DYNC1I1: variants seen among roughly 807,000 people sequenced by gnomAD.
The protein encoded by DYNC1I1 is dynein cytoplasmic 1 intermediate chain 1.
Under a neutral mutation model 86.6 loss-of-function variants are expected in DYNC1I1, and 43 were observed. The observed-to-expected ratio is 0.50, with a 90% CI of 0.39 to 0.64. DYNC1I1 has a LOEUF of 0.64. DYNC1I1 is among the 30% of genes least tolerant of loss of function. The probability of loss-of-function intolerance (pLI) is 0.00; values close to 1 mark genes in which losing one functional copy is unlikely to be tolerated. For missense variants in DYNC1I1, 604 were observed against 788.8 expected (o/e 0.77, Z 2.81); for synonymous variants, 262 against 283.7 (o/e 0.92, Z 0.77).
At chr7:95,824,021 C>A (rs1795147391) in intron 4 of DYNC1I1, among the ~76,000 whole-genome samples, 1 of 111,772 alleles carries the variant, frequency 8.9e-6, no homozygotes, top group African/African-American at 3.7e-5. Flanking sequence ...GAGGCAGGGT[C>A]TTACTGTCAC....
downstream of DYNC1I1, among the ~76,000 whole-genome samples, chr7:96,100,026 T>C (rs1247523906): frequency 1.3e-5 from 2 of 152,102 alleles, no homozygotes; most frequent in East Asian, 3.9e-4. Flanking sequence ...CCAGATGAAA[T>C]GTGGTAGCCA....
At chr7:95,984,665 A>G in intron 7 of DYNC1I1, 150 bp from the exon 8 acceptor site, 1 of 663,054 alleles carries the variant, frequency 1.5e-6, no homozygotes, top group Admixed American at 3.9e-5. Context: ...TAAATAATTT[A>G]GAATCAATAT....
At chr7:95,827,281 G>A (rs955143940) in intron 4 of DYNC1I1, among the ~76,000 whole-genome samples, 1 of 152,140 alleles carries the variant, frequency 6.6e-6, no homozygotes, top group South Asian at 2.1e-4. Flanking sequence ...CCTGTAACCG[G>A]TACTGTGCAG....
intron 16 of DYNC1I1, among the ~76,000 whole-genome samples, chr7:96,095,296 G>A (rs6954872): frequency 1.1e-4 from 17 of 152,144 alleles, no homozygotes; most frequent in East Asian, 3.9e-4. Context: ...TACTAGGGCC[G>A]TTTCTGAACA....
At chr7:95,955,208 T>C (rs1385206910) in intron 6 of DYNC1I1, among the ~76,000 whole-genome samples, 2 of 152,200 alleles carry the variant, frequency 1.3e-5, no homozygotes, top group Non-Finnish European at 2.9e-5. Context: ...TTCCACAATA[T>C]GTACTTGTAT....
intron 14 of DYNC1I1, among the ~76,000 whole-genome samples, chr7:96,067,173 C>T (rs1162169323): frequency 6.6e-6 from 1 of 152,096 alleles, no homozygotes; most frequent in African/African-American, 2.4e-5. Context: ...GGCATCTAGA[C>T]ATAAGACTTA....
At chr7:96,026,042 G>A (rs1794674220) in intron 10 of DYNC1I1, among the ~76,000 whole-genome samples, 1 of 152,110 alleles carries the variant, frequency 6.6e-6, no homozygotes, top group African/African-American at 2.4e-5. Flanking sequence ...AGCAACATAA[G>A]AATTTCATCA....
intron 6 of DYNC1I1, among the ~76,000 whole-genome samples, chr7:95,971,672 A>T (rs1793174471): frequency 6.6e-6 from 1 of 152,154 alleles, no homozygotes; most frequent in South Asian, 2.1e-4. Context: ...CATTTCTAAC[A>T]TTCACAATTT....
chr7:96,080,221 T>C (rs1158446297), intron 15 of DYNC1I1, 142 bp from the exon 16 acceptor site: 6 of 1,085,366 alleles, frequency 5.5e-6, no homozygotes, highest in Non-Finnish European at 7.5e-6. Context: ...TGAGCCCTTT[T>C]TCCCCCCGGC....
chr7:96,040,959 TGATCTG>T (rs1789028997), intron 14 of DYNC1I1, among the ~76,000 whole-genome samples: 1 of 152,054 alleles, frequency 6.6e-6, no homozygotes, highest in South Asian at 2.1e-4. Flanking sequence ...CAACCTCAAA[TGATCTG>T]CCCGCCTTGT....
intron 6 of DYNC1I1, among the ~76,000 whole-genome samples, chr7:95,873,292 T>C (rs1340863618): frequency 6.6e-6 from 1 of 152,158 alleles, no homozygotes; most frequent in Non-Finnish European, 1.5e-5. Flanking sequence ...GGGACATTTG[T>C]TTGATTTGCC....
At chr7:95,912,197 C>T (rs1314746790) in intron 6 of DYNC1I1, among the ~76,000 whole-genome samples, 7 of 152,216 alleles carry the variant, frequency 4.6e-5, no homozygotes, top group African/African-American at 7.2e-5. Flanking sequence ...CCACCACACC[C>T]GGCTAATTTT....
chr7:96,055,631 G>A (rs1369058696), intron 14 of DYNC1I1: 1 of 148,998 alleles, frequency 6.7e-6, no homozygotes, highest in Non-Finnish European at 1.5e-5. Context: ...GGATAAAGAT[G>A]AACAAAGCAA....
chr7:95,892,790 A>G (rs747296910), intron 6 of DYNC1I1, among the ~76,000 whole-genome samples: 2 of 152,184 alleles, frequency 1.3e-5, no homozygotes, highest in African/African-American at 2.4e-5. Context: ...AGCAGTAGTG[A>G]TGGAAATAAC....
chr7:96,006,129 T>C (rs1794136221), intron 10 of DYNC1I1, among the ~76,000 whole-genome samples: 1 of 152,236 alleles, frequency 6.6e-6, no homozygotes, highest in Admixed American at 6.5e-5. Flanking sequence ...GAAAATGTGT[T>C]AGCCAACCTT....
At chr7:95,870,351 G>A (rs1790130004) in intron 6 of DYNC1I1, among the ~76,000 whole-genome samples, 1 of 150,048 alleles carries the variant, frequency 6.7e-6, no homozygotes, top group Admixed American at 6.7e-5. Context: ...CATACATTAA[G>A]ATTCATCATT....
intron 6 of DYNC1I1, among the ~76,000 whole-genome samples, chr7:95,935,933 A>G (rs1436351895): frequency 6.6e-6 from 1 of 152,062 alleles, no homozygotes; most frequent in South Asian, 2.1e-4. Flanking sequence ...TAGCATGGTT[A>G]TTATTTTAAA....
intron 6 of DYNC1I1, among the ~76,000 whole-genome samples, chr7:95,949,735 G>A (rs961664715): frequency 1.3e-5 from 2 of 152,168 alleles, no homozygotes; most frequent in African/African-American, 4.8e-5. Context: ...GCCAGGAACT[G>A]TAATTAACAG....
intron 4 of DYNC1I1, among the ~76,000 whole-genome samples, chr7:95,814,843 T>A (rs1794912471): frequency 6.6e-6 from 1 of 152,130 alleles, no homozygotes; most frequent in Non-Finnish European, 1.5e-5. Context: ...AGCAAATCGC[T>A]TTTGTGATTT....
Sources: allele counts gnomAD v4.1 joint callset (sites outside exome capture counted in the v4.1 genomes callset), GRCh38; gene constraint gnomAD v4.1.1; transcripts MANE v1.5; gene names NCBI Gene and HGNC (gene_info 2026-07-23, HGNC 2026-07-21).